Variants in LDB2 observed in about 807,000 individuals in gnomAD.
The protein encoded by LDB2 is LIM domain binding 2, also known as LIM domain-binding protein 2.
A neutral mutation model predicts 44.3 loss-of-function variants in LDB2; 12 were observed. The observed-to-expected ratio is 0.27, with a 90% CI of 0.17 to 0.44. The LOEUF is 0.44. Among genes scored for constraint, LDB2 ranks in the 20% least tolerant of loss-of-function variants. The pLI is 1.00. For missense variants in LDB2, 344 were observed against 473.5 expected (o/e 0.73, Z 2.54); for synonymous variants, 164 against 174.8 (o/e 0.94, Z 0.49).
chr4:16,567,545 C>T (rs755372040), intron 5 of LDB2, among the ~76,000 whole-genome samples: 1 of 152,062 alleles, frequency 6.6e-6, no homozygotes, highest in Non-Finnish European at 1.5e-5. Context: ...CCGAGGCGGG[C>T]GGATCACAAG....
intron 2 of LDB2, among the ~76,000 whole-genome samples, chr4:16,709,375 G>A (rs867652116): frequency 6.6e-6 from 1 of 152,156 alleles, no homozygotes; most frequent in Non-Finnish European, 1.5e-5. Context: ...TATAAACCAA[G>A]TGACTATGAC....
intron 2 of LDB2, among the ~76,000 whole-genome samples, chr4:16,656,577 C>T (rs1376070589): frequency 6.6e-6 from 1 of 152,212 alleles, no homozygotes; most frequent in Non-Finnish European, 1.5e-5. Context: ...AAATACTTTT[C>T]CACCAAGCAT....
intron 2 of LDB2, among the ~76,000 whole-genome samples, chr4:16,659,331 C>G (rs1047370382): frequency 2.6e-5 from 4 of 152,106 alleles, no homozygotes; most frequent in African/African-American, 9.7e-5. Context: ...TCGGCATCCC[C>G]GGAGCCGCTC....
chr4:16,752,021 C>T (rs900098635), intron 2 of LDB2, among the ~76,000 whole-genome samples: 2 of 152,080 alleles, frequency 1.3e-5, no homozygotes, highest in African/African-American at 4.8e-5. Context: ...CATCTGGAAA[C>T]CATTTAATGG....
chr4:16,768,837 A>G (rs1769957705), intron 1 of LDB2, among the ~76,000 whole-genome samples: 1 of 151,948 alleles, frequency 6.6e-6, no homozygotes, highest in Non-Finnish European at 1.5e-5. Flanking sequence ...CCATGACCCT[A>G]TAATATAAGT....
At chr4:16,634,646 A>T (rs1182753140) in intron 2 of LDB2, among the ~76,000 whole-genome samples, 1 of 152,214 alleles carries the variant, frequency 6.6e-6, no homozygotes, top group Non-Finnish European at 1.5e-5. Context: ...AGGTAACAAC[A>T]GATGCTGGAG....
Position 16,822,538 on chromosome 4 carries a change from C to T in LDB2, c.133-63278G>A, listed in dbSNP as rs181193219. Among the ~76,000 whole-genome samples the T allele has an allele frequency of 3.3e-5, 5 of 152,180 alleles. No individual in the cohort carries two copies. In the East Asian group the frequency reaches 9.6e-4, roughly 29 times the overall value. The stretch of plus-strand genomic sequence containing the variant: ...ATTATTATTATTTTTCTTTTTGAGA[C>T]AGAGTCTTGCTCTTTCGCCCTGGCT... On this transcript the variant is annotated intron_variant, in intron 1 of 7. Transcript: ENST00000304523.
At chr4:16,630,063 A>T (rs1419353038) in intron 2 of LDB2, among the ~76,000 whole-genome samples, 1 of 152,210 alleles carries the variant, frequency 6.6e-6, no homozygotes, top group Non-Finnish European at 1.5e-5. Context: ...GCAGGCCAAC[A>T]TTCAATTTCA....
intron 1 of LDB2, among the ~76,000 whole-genome samples, chr4:16,814,281 G>A (rs1212881820): frequency 6.6e-6 from 1 of 152,168 alleles, no homozygotes. Flanking sequence ...GAAGCTGAGG[G>A]AGTCCTGTGG....
At chr4:16,561,899 C>G (rs1742467061) in intron 5 of LDB2, among the ~76,000 whole-genome samples, 1 of 152,156 alleles carries the variant, frequency 6.6e-6, no homozygotes, top group Non-Finnish European at 1.5e-5. Flanking sequence ...GAACAGAGCC[C>G]TCAGAAATAA....
chr4:16,633,882 C>T (rs1458639123), intron 2 of LDB2, among the ~76,000 whole-genome samples: 1 of 152,158 alleles, frequency 6.6e-6, no homozygotes, highest in African/African-American at 2.4e-5. Context: ...GCTACAGTAA[C>T]CAAAACAGCA....
chr4:16,602,925 C>A (rs1394444617), intron 2 of LDB2, among the ~76,000 whole-genome samples: 2 of 152,108 alleles, frequency 1.3e-5, no homozygotes, highest in African/African-American at 2.4e-5. Flanking sequence ...GTCTGACACA[C>A]AATAATGAAT....
intron 5 of LDB2, among the ~76,000 whole-genome samples, chr4:16,550,163 A>C (rs929779191): frequency 2.6e-4 from 39 of 152,358 alleles, no homozygotes; most frequent in African/African-American, 9.4e-4. Context: ...AGTAATATCT[A>C]CTTTGAAGGA....
rs117122533 is a variant in LDB2, at chr4:16,825,496, C to T, written c.133-66236G>A. 2.5e-4 allele frequency among the ~76,000 whole-genome samples: 38 copies of T among 152,176 alleles called. No homozygotes were observed. In the East Asian group the frequency reaches 5.8e-3, roughly 23 times the overall value. On this transcript the variant is annotated intron_variant, in intron 1 of 7. Transcript: ENST00000304523. ...TGGGTCTTTGCAAGGCCACATAATG[C>T]GGGTAAAGAAGAAAAGTGCTCCTTT...
At chr4:16,722,981 A>G (rs569571723) in intron 2 of LDB2, among the ~76,000 whole-genome samples, 1 of 152,282 alleles carries the variant, frequency 6.6e-6, no homozygotes, top group South Asian at 2.1e-4. Flanking sequence ...TAAGTTGAAA[A>G]TATTATAAAT....
At chr4:16,804,917 G>T (rs562548255) in intron 1 of LDB2, among the ~76,000 whole-genome samples, 81 of 152,172 alleles carry the variant, frequency 5.3e-4, no homozygotes, top group African/African-American at 1.9e-3. Flanking sequence ...ATCATATTCT[G>T]GATGCTGGAA....
chr4:16,781,247 A>T (rs1773158108), intron 1 of LDB2, among the ~76,000 whole-genome samples: 1 of 152,138 alleles, frequency 6.6e-6, no homozygotes, highest in Admixed American at 6.5e-5. Context: ...TGGGGCTAGG[A>T]TCTTAAGGGC....
intron 1 of LDB2, among the ~76,000 whole-genome samples, chr4:16,788,497 C>G (rs779916453): frequency 6.6e-6 from 1 of 152,200 alleles, no homozygotes; most frequent in Non-Finnish European, 1.5e-5. Context: ...AGTGTCTGAG[C>G]GAAACCAAGA....
intron 2 of LDB2, among the ~76,000 whole-genome samples, chr4:16,737,109 T>TA (rs1462730348): frequency 2.0e-5 from 3 of 152,314 alleles, no homozygotes; most frequent in Admixed American, 6.5e-5. Context: ...TGGACTTTCT[T>TA]ATGTATTGCT....
Sources: allele counts gnomAD v4.1 joint callset (sites outside exome capture counted in the v4.1 genomes callset), GRCh38; gene constraint gnomAD v4.1.1; transcripts MANE v1.5; gene names NCBI Gene and HGNC (gene_info 2026-07-23, HGNC 2026-07-21).